The following CCDC30 variants were observed in gnomAD, a reference collection of about 807,000 sequenced individuals.
The protein encoded by CCDC30 is coiled-coil domain containing 30.
In CCDC30, 70 loss-of-function variants were observed where a neutral mutation model predicts 100.2. That is an observed-to-expected ratio of 0.70 (90% CI 0.58 to 0.85). The LOEUF is 0.85. CCDC30 is among the 40% of genes least tolerant of loss of function. CCDC30 has a pLI of 0.00. For synonymous variants in CCDC30, 233 were observed against 269.5 expected, an observed-to-expected ratio of 0.86 and a Z score of 1.33; for missense variants, 652 against 771.2, an observed-to-expected ratio of 0.85 and a Z score of 1.83.
chr1:42,622,656 T>C (rs763060518), intron 11 of CCDC30, among the ~76,000 whole-genome samples: 4 of 152,094 alleles, frequency 2.6e-5, no homozygotes, highest in Non-Finnish European at 4.4e-5. Flanking sequence ...TCTTTGTATT[T>C]TTAGTAGAAA....
chr1:42,641,908 G>A (rs1391259122), intron 12 of CCDC30, among the ~76,000 whole-genome samples: 2 of 151,522 alleles, frequency 1.3e-5, no homozygotes, highest in Non-Finnish European at 2.9e-5. Flanking sequence ...CTACTTTCAG[G>A]GTCATGAAAA....
intron 9 of CCDC30, among the ~76,000 whole-genome samples, chr1:42,584,055 C>A (rs1646020401): frequency 6.6e-6 from 1 of 152,232 alleles, no homozygotes; most frequent in East Asian, 1.9e-4. Context: ...TTGCGTCATG[C>A]CAAGGTGAGC....
intron 4 of CCDC30, among the ~76,000 whole-genome samples, chr1:42,490,937 G>A (rs1644129898): frequency 1.3e-5 from 2 of 152,280 alleles, no homozygotes; most frequent in African/African-American, 4.8e-5. Flanking sequence ...TGGAAAGCCA[G>A]TAGGCTTGAA....
chr1:42,554,130 C>T (rs1481698493), intron 6 of CCDC30, among the ~76,000 whole-genome samples: 2 of 151,724 alleles, frequency 1.3e-5, no homozygotes, highest in Non-Finnish European at 2.9e-5. Flanking sequence ...TAAGTTGAAG[C>T]ATCTTTAATT....
At chr1:42,650,489 A>AT (rs1648243021) in intron 15 of CCDC30, among the ~76,000 whole-genome samples, 19 of 77,300 alleles carry the variant, frequency 2.5e-4, no homozygotes, top group African/African-American at 5.0e-4. Context: ...CTGTCTAAAA[A>AT]AATATATATG....
chr1:42,506,783 A>T lies in CCDC30; in HGVS notation c.456+7867A>T, dbSNP rs189647965. ...GATAAATATGTTAGAGGTTTAAAAC[A>T]CTTGATATTATGAAATGGAAGTCTA... On this transcript the variant is annotated intron_variant, in intron 6 of 16. Transcript: ENST00000668663. Among the ~76,000 whole-genome samples, 261 of 152,362 alleles carry T rather than the reference A, an allele frequency of 1.7e-3. 3 individuals are homozygous for T. The highest frequency in any genetic ancestry group is 3.0e-3 in the Non-Finnish European group (205 of 68,034).
chr1:42,571,419 A>G (rs570565431), intron 7 of CCDC30: 7 of 152,144 alleles, frequency 4.6e-5, no homozygotes, highest in Non-Finnish European at 1.0e-4. Context: ...AGAAGTCAAC[A>G]GCTAATAGAT....
Position 42,635,059 on chromosome 1 carries a change from G to T in CCDC30, c.1278-2178G>T, listed in dbSNP as rs375739525. On this transcript the variant is annotated intron_variant, in intron 11 of 16. Transcript: ENST00000668663. ...GGATATACCGTATTTGGTTTTTTTT[G>T]TTTGTTTGTTTTTTGAGATGAAGTC... 1.6e-3 allele frequency among the ~76,000 whole-genome samples: 245 copies of T among 151,832 alleles called. 2 individuals carry two copies. The highest frequency in any genetic ancestry group is 5.0e-3 in the African/African-American group (207 of 41,392).
At chr1:42,616,565 G>A (rs10890203) in intron 11 of CCDC30, among the ~76,000 whole-genome samples, 107,038 of 152,124 alleles carry the variant, frequency 0.7, 39,038 homozygotes, top group African/African-American at 0.9. Flanking sequence ...CAGAGGAACA[G>A]TTCCCTTGCT....
intron 12 of CCDC30, among the ~76,000 whole-genome samples, chr1:42,639,601 T>C (rs1201727398): frequency 6.6e-6 from 1 of 152,184 alleles, no homozygotes; most frequent in Non-Finnish European, 1.5e-5. Flanking sequence ...GGCTTTGGCC[T>C]TAAATAGACT....
chr1:42,653,065 A>C (rs1237947231), intron 15 of CCDC30, among the ~76,000 whole-genome samples: 1 of 152,204 alleles, frequency 6.6e-6, no homozygotes. Context: ...AGTTATTTTA[A>C]AAATAAAATT....
At chr1:42,520,707 C>T (rs1456605670) in intron 6 of CCDC30, among the ~76,000 whole-genome samples, 6 of 129,140 alleles carry the variant, frequency 4.6e-5, no homozygotes, top group Non-Finnish European at 9.3e-5. Flanking sequence ...GTGGCGTGAT[C>T]GTGGCTTACT....
At chr1:42,557,618 A>G (rs1645395568) in intron 6 of CCDC30, among the ~76,000 whole-genome samples, 1 of 116,184 alleles carries the variant, frequency 8.6e-6, no homozygotes, top group Non-Finnish European at 1.9e-5. Context: ...AAAATTTTAA[A>G]CAATAAAATA....
At chr1:42,474,414 T>C (rs143326370) in intron 1 of CCDC30, among the ~76,000 whole-genome samples, 2 of 152,334 alleles carry the variant, frequency 1.3e-5, no homozygotes, top group African/African-American at 2.4e-5. Flanking sequence ...TAGCAAGTGT[T>C]CAATAAATGA....
intron 15 of CCDC30, among the ~76,000 whole-genome samples, chr1:42,650,086 A>C (rs567598226): frequency 6.6e-6 from 1 of 152,308 alleles, no homozygotes; most frequent in African/African-American, 2.4e-5. Flanking sequence ...TAGAAATAGA[A>C]AAAACAGTCC....
chr1:42,533,230 T>TA (rs1557830815), intron 6 of CCDC30, among the ~76,000 whole-genome samples: 1 of 152,116 alleles, frequency 6.6e-6, no homozygotes, highest in African/African-American at 2.4e-5. Flanking sequence ...TGTGGCAAGT[T>TA]AGAGAGTCAG....
At chr1:42,653,861 G>A in exon 17 of CCDC30, 1 of 1,614,048 alleles carries the variant, frequency 6.2e-7, no homozygotes, top group Non-Finnish European at 8.5e-7. Context: ...AAGTCTTCAA[G>A]AGACTGAAGA....
At chr1:42,620,138 T>G (rs1236933992) in intron 11 of CCDC30, among the ~76,000 whole-genome samples, 1 of 152,174 alleles carries the variant, frequency 6.6e-6, no homozygotes, top group Non-Finnish European at 1.5e-5. Context: ...TGGGGTCAGA[T>G]TCTTCTCTTT....
At chr1:42,654,122 C>G (rs1366755894) in exon 17 of CCDC30, 1 of 806,140 alleles carries the variant, frequency 1.2e-6, no homozygotes, top group African/African-American at 1.7e-5. Flanking sequence ...TACCACAGAT[C>G]CCAAATGGAT....
Sources: gnomAD v4.1 joint callset for allele counts (sites outside exome capture counted in the v4.1 genomes callset) on GRCh38, gnomAD v4.1.1 for gene constraint, MANE v1.5 for transcripts, NCBI Gene and HGNC (gene_info 2026-07-23, HGNC 2026-07-21) for gene names.